The following ADA2 variants were observed in gnomAD, a reference collection of about 807,000 sequenced individuals.
ADA2 encodes adenosine deaminase 2, also known as adenosine deaminase CECR1.
A neutral mutation model predicts 44.2 loss-of-function variants in ADA2; 29 were observed. That is an observed-to-expected ratio of 0.66 (90% confidence interval 0.49 to 0.89). The LOEUF (loss-of-function observed/expected upper bound fraction) is 0.89, where lower values mean the gene tolerates loss of function less well. Ranked by LOEUF, ADA2 falls within the 40% of genes least tolerant of loss-of-function variation. The pLI is 0.00. For synonymous variants in ADA2, 215 were observed against 234.9 expected (o/e 0.92, Z 0.77); for missense variants, 637 against 644.8 (o/e 0.99, Z 0.13).
At chr22:17,190,176 C>T in intron 5 of ADA2, 144 bp from the exon 6 acceptor site, 1 of 638,408 alleles carries the variant, frequency 1.6e-6, no homozygotes, top group South Asian at 1.8e-5. Flanking sequence ...GCCCTCCTGA[C>T]CCCACCCTGA....
At chr22:17,185,786 A>T (rs75796777) in intron 7 of ADA2, among the ~76,000 whole-genome samples, 2,712 of 152,270 alleles carry the variant, frequency 0.018, 33 homozygotes, top group South Asian at 0.037. Flanking sequence ...GATAGAGCAG[A>T]GCTTAAGCCT....
At chr22:17,196,066 G>T (rs2062186744) in intron 4 of ADA2, among the ~76,000 whole-genome samples, 1 of 151,948 alleles carries the variant, frequency 6.6e-6, no homozygotes, top group African/African-American at 2.4e-5. Context: ...CTTAATTTTG[G>T]CTGGGTGCAA....
At chr22:17,186,251 G>A (rs1601427190) in intron 7 of ADA2, among the ~76,000 whole-genome samples, 2 of 152,320 alleles carry the variant, frequency 1.3e-5, no homozygotes, top group Admixed American at 1.3e-4. Context: ...TCACTCGGAG[G>A]ATGGAGAGCG....
intron 7 of ADA2, among the ~76,000 whole-genome samples, chr22:17,185,416 A>AAAAAT (rs141255135): frequency 6.2e-4 from 92 of 148,804 alleles, no homozygotes; most frequent in Middle Eastern, 3.4e-3. Flanking sequence ...CTCCGTCTCA[A>AAAAAT]AAAATAAAAT....
intron 4 of ADA2, 152 bp from the exon 5 acceptor site, chr22:17,191,962 C>T (rs2062122247): frequency 1.1e-5 from 8 of 724,464 alleles, no homozygotes; most frequent in Non-Finnish European, 1.8e-5. Context: ...TGCCCAGCCA[C>T]CCCTGCCCAG....
chr22:17,213,905 G>A (rs778282368), intron 1 of ADA2: 36 of 317,044 alleles, frequency 1.1e-4, no homozygotes, highest in Non-Finnish European at 2.0e-4. Flanking sequence ...TGGGCGTGGT[G>A]GTGTGTGCCT....
At chr22:17,184,137 T>G (rs1185927116) in intron 7 of ADA2, among the ~76,000 whole-genome samples, 1 of 151,330 alleles carries the variant, frequency 6.6e-6, no homozygotes, top group Admixed American at 6.6e-5. Flanking sequence ...TTTTTTTTTT[T>G]GTATTTTTAG....
intron 7 of ADA2, among the ~76,000 whole-genome samples, chr22:17,187,920 C>T (rs528924598): frequency 6.2e-4 from 94 of 151,766 alleles, no homozygotes; most frequent in Admixed American, 1.1e-3. Context: ...CTGGCTAACA[C>T]GGTGAAACCC....
intron 1 of ADA2, among the ~76,000 whole-genome samples, chr22:17,213,315 C>G (rs184014779): frequency 2.0e-5 from 3 of 152,116 alleles, no homozygotes; most frequent in African/African-American, 7.2e-5. Context: ...AACTACCATA[C>G]GATCCAGCAA....
intron 2 of ADA2, 40 bp from the exon 3 acceptor site, chr22:17,207,330 G>C (rs755767395): frequency 6.8e-7 from 1 of 1,473,068 alleles, no homozygotes; most frequent in Non-Finnish European, 9.4e-7. Flanking sequence ...AAGGGGTGAA[G>C]TCCCATCCCA....
chr22:17,207,668 C>T (rs574823180), intron 2 of ADA2, among the ~76,000 whole-genome samples: 2 of 152,162 alleles, frequency 1.3e-5, no homozygotes, highest in African/African-American at 4.8e-5. Flanking sequence ...AGGCTTGGAA[C>T]CAGAGAACTG....
At chr22:17,193,215 C>A in intron 4 of ADA2, 1 of 1,174,564 alleles carries the variant, frequency 8.5e-7, no homozygotes, top group Non-Finnish European at 1.2e-6. Context: ...ACAACGTTTC[C>A]TCTAAGAACC....
intron 4 of ADA2, among the ~76,000 whole-genome samples, 171 bp downstream of exon 4, chr22:17,203,392 C>T (rs1470284488): frequency 1.3e-5 from 2 of 152,058 alleles, no homozygotes; most frequent in African/African-American, 4.8e-5. Context: ...CTGGAGGCTG[C>T]CCAGTCCATT....
At position 17,194,651 on chromosome 22, in the gene ADA2, G is replaced by A. The variant is rs115244784; in HGVS notation, c.754-2841C>T. Reference sequence around the variant, plus strand: ...TGGCCAGGCCACTCACTCTGCTCGGGCAGTTTCCCTGACTGCCTGACCTGG... The same window carrying A: ...TGGCCAGGCCACTCACTCTGCTCGGACAGTTTCCCTGACTGCCTGACCTGG... On this transcript the variant is annotated intron_variant, in intron 4 of 9. Transcript: ENST00000399837. Among the ~76,000 whole-genome samples the A allele has an allele frequency of 4.9e-3, 740 of 152,144 alleles. 7 individuals carry two copies. The highest frequency in any genetic ancestry group is 0.017 in the African/African-American group (705 of 41,500).
At chr22:17,210,503 TA>T (rs1405243423) in intron 1 of ADA2, among the ~76,000 whole-genome samples, 3 of 152,016 alleles carry the variant, frequency 2.0e-5, no homozygotes, top group Non-Finnish European at 2.9e-5. Flanking sequence ...TTTCCCAAAT[TA>T]AAGGTCACCA....
At chr22:17,206,091 A>G (rs758034104) in intron 3 of ADA2, among the ~76,000 whole-genome samples, 4 of 152,214 alleles carry the variant, frequency 2.6e-5, no homozygotes, top group Non-Finnish European at 5.9e-5. Flanking sequence ...CTAGATTGTC[A>G]TCACTTCAGA....
At chr22:17,204,251 A>G (rs956308095) in intron 3 of ADA2, among the ~76,000 whole-genome samples, 1 of 152,152 alleles carries the variant, frequency 6.6e-6, no homozygotes, top group African/African-American at 2.4e-5. Flanking sequence ...GGAGAAGGGA[A>G]TTTTAAAGAG....
intron 7 of ADA2, among the ~76,000 whole-genome samples, chr22:17,183,973 T>TTA (rs1357426033): frequency 7.1e-6 from 1 of 141,294 alleles, no homozygotes; most frequent in African/African-American, 2.7e-5. Flanking sequence ...TTTTTTTTTT[T>TTA]TTTGAGATGG....
At position 17,209,463 on chromosome 22, in the gene ADA2, T is replaced by C. The variant is rs746085206; in HGVS notation, c.215A>G (p.Lys72Arg). The C allele has an allele frequency of 1.9e-6, 3 of 1,614,144 alleles. No homozygotes were observed. Among genetic ancestry groups the C allele is most frequent in the Non-Finnish European group, 2.5e-6 (3 of 1,180,024 alleles). The change falls in exon 2 of 10, where the codon AAG becomes AGG. Residue 72 changes from lysine to arginine, a missense_variant. Transcript: ENST00000399837. ...GAATATCAGGGTCCTCATGGCCTCCTTCATCTCAGCGATTTTGAGCGTCAT... is the reference window on the plus strand; with the variant it reads ...GAATATCAGGGTCCTCATGGCCTCCCTCATCTCAGCGATTTTGAGCGTCAT... ...RLMTLKIAEM[K>R]EAMRTLIFPP...
Sources: allele counts gnomAD v4.1 joint callset (sites outside exome capture counted in the v4.1 genomes callset), GRCh38; gene constraint gnomAD v4.1.1; transcripts MANE v1.5; gene names NCBI Gene and HGNC (gene_info 2026-07-23, HGNC 2026-07-21).